The following RADIL variants were observed in gnomAD, a reference collection of about 807,000 sequenced individuals.
The protein encoded by RADIL is Rap associating with DIL domain, also known as ras-associating and dilute domain-containing protein.
Under a neutral mutation model 97.6 loss-of-function variants are expected in RADIL, and 99 were observed. The observed-to-expected ratio is 1.01, with a 90% confidence interval of 0.86 to 1.20. The LOEUF is 1.20. RADIL is among the 50% of genes most tolerant of loss of function. The probability of loss-of-function intolerance (pLI) is 0.00; values close to 1 mark genes in which losing one functional copy is unlikely to be tolerated. For missense variants in RADIL, 1,765 were observed against 1,498.9 expected (o/e 1.18, Z -2.93); for synonymous variants, 803 against 691.8 (o/e 1.16, Z -2.52).
Position 4,804,993 on chromosome 7 carries a change from C to T in RADIL, c.2290+573G>A, listed in dbSNP as rs572925735. On this transcript the variant is annotated intron_variant, in intron 10 of 14. Transcript: ENST00000399583. ...CCTGTAATCCCAGCTACTAGGGAGG[C>T]TGAGGTAGGAGAATCGCTTGAACCT... 1.4e-4 allele frequency among the ~76,000 whole-genome samples: 22 copies of T among 152,116 alleles called. No homozygotes were observed. In the East Asian group the frequency reaches 3.9e-3, roughly 27 times the overall value.
rs1562432686 is a variant in RADIL, at chr7:4,813,359, G to C, written c.2139+1919C>G. On this transcript the variant is annotated intron_variant, in intron 9 of 14. Coordinates refer to ENST00000399583, the MANE Select transcript of RADIL (RefSeq NM_018059.5). This position sits in a 1 kb window ranked among gnomAD's most constrained non-coding sequence, Gnocchi z 5.0. ...TCGTCATCTCTGTCTCCTCTACACT[G>C]TGAAGGCACCACAGATTCCACTCCC... is the stretch of plus-strand genomic sequence containing the variant. Among the ~76,000 whole-genome samples, 2 of 152,222 alleles carry C rather than the reference G, an allele frequency of 1.3e-5. No homozygotes were observed. The highest frequency in any genetic ancestry group is 2.9e-5 in the Non-Finnish European group (2 of 68,012).
intron 9 of RADIL, among the ~76,000 whole-genome samples, chr7:4,807,955 CTG>C (rs1218544402): frequency 1.3e-5 from 1 of 77,614 alleles, no homozygotes; most frequent in African/African-American, 7.9e-5. Flanking sequence ...CTCTCCCTCC[CTG>C]TCTCTCTCCT....
chr7:4,847,138 T>C (rs1201363944), intron 2 of RADIL, among the ~76,000 whole-genome samples: 1 of 152,032 alleles, frequency 6.6e-6, no homozygotes, highest in African/African-American at 2.4e-5. Context: ...CTGTCCAAGA[T>C]GGTAAAACCC....
chr7:4,831,687 C>G (rs372420118), intron 5 of RADIL, among the ~76,000 whole-genome samples: 131 of 150,524 alleles, frequency 8.7e-4, no homozygotes, highest in African/African-American at 3.0e-3. Flanking sequence ...CGAGACCAGC[C>G]TGGCCAATAT....
At chr7:4,871,652 C>G (rs1230772543) in intron 2 of RADIL, among the ~76,000 whole-genome samples, 1 of 152,204 alleles carries the variant, frequency 6.6e-6, no homozygotes, top group African/African-American at 2.4e-5. Flanking sequence ...CACTCCTGGA[C>G]GGCCACACCA....
chr7:4,834,716 G>T lies in RADIL; in HGVS notation c.1307C>A (p.Pro436His). ...GATGCAGAGGCACAGGAGGAAGGCG[G>T]GGGTCAGCTTGTGGTCGTCGCCCCC... ...EPGGDDHKLT[P>H]AFLLCLCIQH... The change falls in exon 4 of 15, where the codon CCC becomes CAC. Residue 436 changes from proline to histidine, a missense_variant. Physicochemically the swap from Pro to His is moderately conservative, Grantham distance 77. Transcript: ENST00000399583. This position sits in a 1 kb window ranked among gnomAD's most constrained non-coding sequence, Gnocchi z 6.0. The T allele has an allele frequency of 7.1e-7, 1 of 1,412,588 alleles. No individual in the cohort carries two copies. 87.5% of individuals were successfully genotyped at this position (1,412,588 alleles called of 1,614,324 possible). A position where few individuals can be genotyped will look rare whatever the true frequency, so the allele number is the denominator to read the frequency against.
In RADIL at chr7:4,883,668, G is replaced by A. The variant is rs1784530875; in HGVS notation, c.-137C>T. On this transcript the variant is annotated 5_prime_UTR_variant, in exon 1 of 15. Coordinates refer to ENST00000399583, the MANE Select transcript of RADIL (RefSeq NM_018059.5). The surrounding 1 kb of genome is among the most constrained non-coding windows in gnomAD (Gnocchi z 7.1). ...CGCCGTTGGCTGGGGCCGGCGCCCAGACCCGCGCGTGCCGCGGCGCCTCCT... is the reference window on the plus strand; with the variant it reads ...CGCCGTTGGCTGGGGCCGGCGCCCAAACCCGCGCGTGCCGCGGCGCCTCCT... 1 of 151,914 alleles carries A rather than the reference G, an allele frequency of 6.6e-6. No individual in the cohort carries two copies. Among genetic ancestry groups the A allele is most frequent in the Non-Finnish European group, 1.5e-5 (1 of 68,012 alleles). The allele number at this position is 151,914 out of a possible 1,614,324, so 9.4% of individuals were successfully genotyped here.
Position 4,883,055 on chromosome 7 carries a change from G to A in RADIL, c.-65+541C>T, listed in dbSNP as rs1406437345. 2.6e-5 allele frequency among the ~76,000 whole-genome samples: 4 copies of A among 151,968 alleles called. No individual in the cohort carries two copies. The highest frequency in any genetic ancestry group is 4.9e-5 in the African/African-American group (2 of 41,234). ...GGCTGGAAATGGTACATAAATAGCCGGGAAACAATGCTTTGAGCTGGCGCA... is the reference window on the plus strand; with the variant it reads ...GGCTGGAAATGGTACATAAATAGCCAGGAAACAATGCTTTGAGCTGGCGCA... On this transcript the variant is annotated intron_variant, in intron 1 of 14. Transcript: ENST00000399583. This position sits in a 1 kb window ranked among gnomAD's most constrained non-coding sequence, Gnocchi z 7.1.
At chr7:4,833,982 G>A (rs992680196) in intron 4 of RADIL, among the ~76,000 whole-genome samples, 1 of 152,144 alleles carries the variant, frequency 6.6e-6, no homozygotes, top group Non-Finnish European at 1.5e-5. Context: ...CGGGGATGCT[G>A]CTGAATCCTC....
Position 4,867,489 on chromosome 7 carries a change from CATA to C in RADIL, c.535+10113_535+10115del, listed in dbSNP as rs1043722095. ...GAGCACCATGGGTAGGTGTCAAAAACATAATGTGAGGCCAGGTGTGGTGGCTCA... is the reference window on the plus strand; with the variant it reads ...GAGCACCATGGGTAGGTGTCAAAAACATGTGAGGCCAGGTGTGGTGGCTCA... On this transcript the variant is annotated intron_variant, in intron 2 of 14. Coordinates refer to ENST00000399583, the MANE Select transcript of RADIL (RefSeq NM_018059.5). The surrounding 1 kb of genome is among the most constrained non-coding windows in gnomAD (Gnocchi z 4.1). Among the ~76,000 whole-genome samples, 6 of 152,140 alleles carry C rather than the reference CATA, an allele frequency of 3.9e-5. No individual in the cohort carries two copies. The highest frequency in any genetic ancestry group is 8.8e-5 in the Non-Finnish European group (6 of 68,032).
At chr7:4,809,044 T>C in intron 9 of RADIL, 2 of 802,872 alleles carry the variant, frequency 2.5e-6, no homozygotes, top group South Asian at 1.2e-4. Flanking sequence ...CCGACGCCAC[T>C]GCCCCCCCGT....
At chr7:4,830,294 C>T (rs905467322) in intron 5 of RADIL, among the ~76,000 whole-genome samples, 4 of 152,220 alleles carry the variant, frequency 2.6e-5, no homozygotes, top group Admixed American at 6.5e-5. Flanking sequence ...TGCGGACACA[C>T]TGCCTTCCAC....
At chr7:4,811,573 C>T (rs1460741533) in intron 9 of RADIL, among the ~76,000 whole-genome samples, 4 of 148,432 alleles carry the variant, frequency 2.7e-5, no homozygotes, top group Admixed American at 1.3e-4. Flanking sequence ...CTGCAAGCTC[C>T]GCCTCCCGGG....
At chr7:4,855,602 T>C (rs1310842144) in intron 2 of RADIL, among the ~76,000 whole-genome samples, 2 of 141,046 alleles carry the variant, frequency 1.4e-5, no homozygotes, top group African/African-American at 2.7e-5. Flanking sequence ...TAGACACTGT[T>C]AGACTTTTTT....
intron 6 of RADIL, among the ~76,000 whole-genome samples, chr7:4,820,503 C>T (rs1399098251): frequency 6.6e-6 from 1 of 152,238 alleles, no homozygotes; most frequent in Admixed American, 6.5e-5. Context: ...GCCAGATGCC[C>T]GGATGCCCAC....
In RADIL at chr7:4,878,294, A is replaced by G. The variant is rs1238513010; in HGVS notation, c.-64-91T>C. On this transcript the variant is annotated intron_variant, in intron 1 of 14. Coordinates refer to ENST00000399583, the MANE Select transcript of RADIL (RefSeq NM_018059.5). This position sits in a 1 kb window ranked among gnomAD's most constrained non-coding sequence, Gnocchi z 4.1. ...GGCGGTGACTCCTGCCCGTCATCCCAGCGCTTTAGAAGGCCAAGGTGGGAG... is the reference window on the plus strand; with the variant it reads ...GGCGGTGACTCCTGCCCGTCATCCCGGCGCTTTAGAAGGCCAAGGTGGGAG... 4 of 783,454 alleles carry G rather than the reference A, an allele frequency of 5.1e-6. No individual in the cohort carries two copies. The highest frequency in any genetic ancestry group is 5.8e-6 in the Non-Finnish European group (3 of 518,912). 48.5% of individuals were successfully genotyped at this position (783,454 alleles called of 1,614,324 possible). A position where few individuals can be genotyped will look rare whatever the true frequency, so the allele number is the denominator to read the frequency against.
intron 5 of RADIL, among the ~76,000 whole-genome samples, chr7:4,831,743 C>T (rs1411175675): frequency 2.0e-5 from 3 of 150,510 alleles, no homozygotes; most frequent in South Asian, 2.1e-4. Context: ...AAAAAATTAG[C>T]CAGGCATGGT....
Position 4,829,916 on chromosome 7 carries a change from G to A in RADIL, c.1454+2225C>T, listed in dbSNP as rs192627906. 1.4e-4 allele frequency among the ~76,000 whole-genome samples: 21 copies of A among 152,274 alleles called. 1 individual carries two copies. The East Asian group carries it at 3.7e-3, about 27-fold the overall frequency. On this transcript the variant is annotated intron_variant, in intron 5 of 14. Coordinates refer to ENST00000399583, the MANE Select transcript of RADIL (RefSeq NM_018059.5). ...TCGGATATGTCTTTATTAGCAGCGT[G>A]AGAACAGACTAATAAAGGCACGGAT...
rs1470076487 is a variant in RADIL, at chr7:4,814,860, T to C, written c.2139+418A>G. On this transcript the variant is annotated intron_variant, in intron 9 of 14. Coordinates refer to ENST00000399583, the MANE Select transcript of RADIL (RefSeq NM_018059.5). The surrounding 1 kb of genome is among the most constrained non-coding windows in gnomAD (Gnocchi z 4.5). ...GGTCACTCCAGCTTCTAGAGGCCAC[T>C]GCACTCCTGTGCTCCTGGCCCCTCC... is the stretch of plus-strand genomic sequence containing the variant. Among the ~76,000 whole-genome samples the C allele has an allele frequency of 6.6e-6, 1 of 152,212 alleles. No homozygotes were observed. The highest frequency in any genetic ancestry group is 1.5e-5 in the Non-Finnish European group (1 of 68,038).
Sources: gnomAD v4.1 joint callset for allele counts (sites outside exome capture counted in the v4.1 genomes callset) on GRCh38, gnomAD v4.1.1 for gene constraint, Gnocchi (gnomAD v3.1) non-coding constraint, MANE v1.5 for transcripts, NCBI Gene and HGNC (gene_info 2026-07-23, HGNC 2026-07-21) for gene names.